WDFY3: variants seen among roughly 807,000 people sequenced by gnomAD.
The protein encoded by WDFY3 is WD repeat and FYVE domain-containing protein 3.
A neutral mutation model predicts 409.6 loss-of-function variants in WDFY3; 66 were observed. That is an observed-to-expected ratio of 0.16 (90% CI 0.13 to 0.20). The LOEUF (loss-of-function observed/expected upper bound fraction) is 0.20, where lower values mean the gene tolerates loss of function less well. Ranked by LOEUF, WDFY3 falls within the 10% of genes least tolerant of loss-of-function variation. WDFY3 has a pLI of 1.00. For synonymous variants in WDFY3, 1,521 were observed against 1,537.1 expected (o/e 0.99, Z 0.25); for missense variants, 3,031 against 4,298.1 (o/e 0.71, Z 8.24).
chr4:84,801,559 A>G, intron 17 of WDFY3, 91 bp downstream of exon 17: 1 of 1,367,124 alleles, frequency 7.3e-7, no homozygotes, highest in Non-Finnish European at 9.8e-7. Flanking sequence ...AACTGAATAT[A>G]TGTCCATTAA....
intron 2 of WDFY3, among the ~76,000 whole-genome samples, chr4:84,920,201 AT>A (rs2150846674): frequency 6.6e-6 from 1 of 152,332 alleles, no homozygotes; most frequent in East Asian, 1.9e-4. Flanking sequence ...AACGCAAGAT[AT>A]GATCATTGAC....
chr4:84,709,885 C>G (rs965938029), intron 51 of WDFY3, among the ~76,000 whole-genome samples: 8 of 152,140 alleles, frequency 5.3e-5, no homozygotes, highest in Admixed American at 3.9e-4. Context: ...CGCCACCACG[C>G]CCAGCTAATT....
intron 2 of WDFY3, among the ~76,000 whole-genome samples, chr4:84,930,066 C>T (rs566856621): frequency 6.6e-5 from 10 of 152,154 alleles, no homozygotes; most frequent in Non-Finnish European, 1.5e-4. Flanking sequence ...ACACTGGCGT[C>T]AGACTTCCAG....
At chr4:84,960,438 G>A (rs1185437519) in intron 1 of WDFY3, among the ~76,000 whole-genome samples, 3 of 152,128 alleles carry the variant, frequency 2.0e-5, no homozygotes, top group Non-Finnish European at 4.4e-5. Flanking sequence ...GCTCTATCAT[G>A]ATAAGGACCT....
chr4:84,685,429 T>C (rs1728148901), intron 62 of WDFY3, among the ~76,000 whole-genome samples: 1 of 152,146 alleles, frequency 6.6e-6, no homozygotes, highest in Non-Finnish European at 1.5e-5. Flanking sequence ...ACCAAAACAA[T>C]ACTTAGCAAA....
At chr4:84,743,009 C>T (rs1487313278) in intron 37 of WDFY3, among the ~76,000 whole-genome samples, 1 of 152,134 alleles carries the variant, frequency 6.6e-6, no homozygotes, top group Non-Finnish European at 1.5e-5. Flanking sequence ...TGTGAATTGA[C>T]TTGAGAGTGC....
intron 10 of WDFY3, among the ~76,000 whole-genome samples, chr4:84,824,430 A>AG (rs1431783572): frequency 6.6e-6 from 1 of 152,178 alleles, no homozygotes; most frequent in Non-Finnish European, 1.5e-5. Flanking sequence ...CTGTGGTTTC[A>AG]GGTATCCATT....
chr4:84,907,497 T>A (rs1314515524), intron 2 of WDFY3, among the ~76,000 whole-genome samples: 3 of 152,118 alleles, frequency 2.0e-5, no homozygotes, highest in African/African-American at 7.2e-5. Context: ...GCCATGTACG[T>A]GAGCCATCCT....
chr4:84,745,414 G>A (rs1272428614), intron 36 of WDFY3, among the ~76,000 whole-genome samples: 1 of 152,168 alleles, frequency 6.6e-6, no homozygotes, highest in Non-Finnish European at 1.5e-5. Flanking sequence ...TTATGACCCT[G>A]TTACAAAGAT....
At chr4:84,881,913 T>C (rs1763591661) in intron 3 of WDFY3, among the ~76,000 whole-genome samples, 1 of 152,142 alleles carries the variant, frequency 6.6e-6, no homozygotes, top group Admixed American at 6.5e-5. Flanking sequence ...AGATCTATTA[T>C]TAAGATCTAC....
At chr4:84,906,680 C>T (rs542746019) in intron 2 of WDFY3, among the ~76,000 whole-genome samples, 35 of 152,160 alleles carry the variant, frequency 2.3e-4, no homozygotes, top group African/African-American at 6.7e-4. Flanking sequence ...GCTTGTACAA[C>T]CTATGGCTCA....
chr4:84,820,130 T>C lies in WDFY3; in HGVS notation c.1648A>G (p.Met550Val). The C allele has an allele frequency of 6.2e-7, 1 of 1,608,318 alleles. No individual in the cohort carries two copies. Among genetic ancestry groups the C allele is most frequent in the Non-Finnish European group, 8.5e-7 (1 of 1,176,552 alleles). Residue 550 changes from methionine (M) to valine (V), a missense_variant, in exon 12 of 68, where the codon ATG becomes GTG. By Grantham distance (21) the Met-to-Val change is conservative (BLOSUM62 1). Around this residue, in one of 16 missense-constraint regions of WDFY3, gnomAD observed 1,322 missense variants for 1,697.9 expected, o/e 0.78. Transcript: ENST00000295888. ...TGAAGAAGCACTGTCAAGGTCTCCA[T>C]AACCAATAAAGCCAGGTGTTTTTGG... ...EDQKHLALLV[M>V]ETLTVLLQGS...
chr4:84,724,299 TG>T, intron 46 of WDFY3, 126 bp downstream of exon 46: 1 of 1,033,808 alleles, frequency 9.7e-7, no homozygotes, highest in Non-Finnish European at 1.4e-6. Context: ...AAGGGTGAGA[TG>T]GTAAAATGTG....
Position 84,741,792 on chromosome 4 carries a change from A to G in WDFY3, c.6203T>C (p.Leu2068Pro). ...AATTAGTTGAATTATAAAATCTATA[A>G]GAAGTTTAGATTCTTTGTTGAACAT... ...QGMFNKESKL[L>P]IDFIIQLIAQ... Residue 2068 changes from leucine to proline, a missense_variant, in exon 38 of 68, where the codon CTT (leucine) becomes CCT (proline). By Grantham distance (98) the Leu-to-Pro change is moderately conservative. Transcript: ENST00000295888. 6.2e-7 allele frequency: 1 copy of G among 1,612,236 alleles called. No homozygotes were observed. The highest frequency in any genetic ancestry group is 8.5e-7 in the Non-Finnish European group (1 of 1,178,702).
At chr4:84,767,735 C>A (rs544502910) in intron 30 of WDFY3, among the ~76,000 whole-genome samples, 1 of 152,176 alleles carries the variant, frequency 6.6e-6, no homozygotes, top group East Asian at 1.9e-4. Flanking sequence ...TAATCCTGAG[C>A]AAAGCCTGAA....
At chr4:84,890,978 A>C (rs1764872356) in intron 3 of WDFY3, among the ~76,000 whole-genome samples, 1 of 152,174 alleles carries the variant, frequency 6.6e-6, no homozygotes, top group African/African-American at 2.4e-5. Context: ...TTTAAGTGCC[A>C]CAAAACATTA....
intron 32 of WDFY3, among the ~76,000 whole-genome samples, chr4:84,764,211 G>C (rs1370643599): frequency 6.6e-6 from 1 of 152,112 alleles, no homozygotes; most frequent in Non-Finnish European, 1.5e-5. Context: ...CTGTCAATTA[G>C]CATTTAAACC....
chr4:84,677,058 A>G, intron 67 of WDFY3, 141 bp downstream of exon 67: 1 of 937,924 alleles, frequency 1.1e-6, no homozygotes, highest in Non-Finnish European at 1.5e-6. Flanking sequence ...AAAGAAGAAC[A>G]GAAAAAGTGA....
At chr4:84,965,631 G>A (rs1378869913) in intron 1 of WDFY3, 2 of 152,272 alleles carry the variant, frequency 1.3e-5, no homozygotes, top group Non-Finnish European at 2.9e-5. Flanking sequence ...AAGAGAACTG[G>A]AGCATCTCTG....
Sources: allele counts gnomAD v4.1 joint callset (sites outside exome capture counted in the v4.1 genomes callset), GRCh38; gene constraint gnomAD v4.1.1; regional missense constraint gnomAD v4.1.1; transcripts MANE v1.5; gene names NCBI Gene and HGNC (gene_info 2026-07-23, HGNC 2026-07-21).